Variants in IGFL4 observed in about 807,000 individuals in gnomAD.
IGFL4 encodes IGF like family member 4, also known as insulin growth factor-like family member 4.
In IGFL4, 12 loss-of-function variants were observed where a neutral mutation model predicts 15.4. The ratio of observed to expected loss-of-function variants is 0.78; its 90% confidence interval spans 0.50 to 1.26. The LOEUF (loss-of-function observed/expected upper bound fraction) is 1.26. IGFL4 is among the 50% of genes most tolerant of loss of function. The probability of loss-of-function intolerance (pLI) is 0.00; values close to 1 mark genes in which losing one functional copy is unlikely to be tolerated. For missense variants in IGFL4, 126 were observed against 147.8 expected, an observed-to-expected ratio of 0.85 and a Z score of 0.76; for synonymous variants, 54 against 55.9, an observed-to-expected ratio of 0.97 and a Z score of 0.16.
chr19:46,041,544 C>T (rs965079324), upstream of IGFL4, among the ~76,000 whole-genome samples: 5 of 150,784 alleles, frequency 3.3e-5, no homozygotes, highest in African/African-American at 7.3e-5. Flanking sequence ...CAAAAATAGG[C>T]GGTGGTAGGA....
chr19:46,065,471 G>A (rs369903300), intron 1 of IGFL4, among the ~76,000 whole-genome samples: 2 of 152,222 alleles, frequency 1.3e-5, no homozygotes, highest in African/African-American at 2.4e-5. Context: ...ACCATGCCCA[G>A]CTAATTTTTG....
At chr19:46,049,246 C>A (rs1250215939) in intron 2 of IGFL4, among the ~76,000 whole-genome samples, 1 of 152,216 alleles carries the variant, frequency 6.6e-6, no homozygotes, top group Non-Finnish European at 1.5e-5. Flanking sequence ...CAGGAACATA[C>A]CAGGAAAGCT....
chr19:46,051,096 A>G (rs1333378025), intron 2 of IGFL4, among the ~76,000 whole-genome samples: 1 of 152,242 alleles, frequency 6.6e-6, no homozygotes, highest in Non-Finnish European at 1.5e-5. Flanking sequence ...GGAAAGATAC[A>G]GTCTTTTTCA....
At chr19:46,047,540 A>C (rs1600670548) in intron 2 of IGFL4, among the ~76,000 whole-genome samples, 1 of 152,336 alleles carries the variant, frequency 6.6e-6, no homozygotes, top group East Asian at 1.9e-4. Context: ...CTAATGAAGA[A>C]GAAAAGAGAG....
intron 1 of IGFL4, among the ~76,000 whole-genome samples, chr19:46,076,311 C>T (rs1475905447): frequency 6.6e-6 from 1 of 152,168 alleles, no homozygotes; most frequent in African/African-American, 2.4e-5. Flanking sequence ...CCAATACCAC[C>T]GAATTCATTT....
intron 1 of IGFL4, among the ~76,000 whole-genome samples, chr19:46,070,927 C>A (rs1449132625): frequency 6.6e-6 from 1 of 152,088 alleles, no homozygotes; most frequent in East Asian, 1.9e-4. Context: ...CAAATTGAAT[C>A]GCCTAATCAC....
chr19:46,070,940 G>C (rs1405313148), intron 1 of IGFL4, among the ~76,000 whole-genome samples: 1 of 152,060 alleles, frequency 6.6e-6, no homozygotes, highest in South Asian at 2.1e-4. Flanking sequence ...CTAATCACCA[G>C]GTGACCCCAG....
upstream of IGFL4, among the ~76,000 whole-genome samples, chr19:46,042,462 G>A (rs1223032583): frequency 1.3e-5 from 2 of 152,182 alleles, no homozygotes; most frequent in African/African-American, 4.8e-5. Context: ...AGGGAAAGCT[G>A]CAATGAAGAG....
At chr19:46,045,591 A>G (rs1164753349), upstream of IGFL4, among the ~76,000 whole-genome samples, 1 of 152,138 alleles carries the variant, frequency 6.6e-6, no homozygotes, top group African/African-American at 2.4e-5. Context: ...AACTGACCCA[A>G]TGGAACTGGA....
At chr19:46,077,190 C>T (rs139982971), upstream of IGFL4, 2,029 of 152,134 alleles carry the variant, frequency 0.013, 32 homozygotes, top group Middle Eastern at 0.027. This position sits in a 1 kb window ranked among gnomAD's most constrained non-coding sequence, Gnocchi z 5.4. Context: ...ACCCGGGTGC[C>T]GGTGTTTCTA....
intron 1 of IGFL4, among the ~76,000 whole-genome samples, chr19:46,073,710 C>T (rs970689441): frequency 6.6e-6 from 1 of 152,156 alleles, no homozygotes; most frequent in Non-Finnish European, 1.5e-5. Context: ...GGATCATTCT[C>T]GAGAACTTGG....
At chr19:46,057,254 T>C (rs1940201180) in intron 2 of IGFL4, among the ~76,000 whole-genome samples, 2 of 152,124 alleles carry the variant, frequency 1.3e-5, no homozygotes, top group South Asian at 4.1e-4. Context: ...TAGTGGACTC[T>C]TAAGCTTAGG....
chr19:46,074,519 G>A (rs1969577130), intron 1 of IGFL4, among the ~76,000 whole-genome samples: 1 of 152,098 alleles, frequency 6.6e-6, no homozygotes, highest in African/African-American at 2.4e-5. Flanking sequence ...TTTGCAAGCT[G>A]AGGAGCAAGG....
intron 2 of IGFL4, among the ~76,000 whole-genome samples, chr19:46,056,196 G>A (rs758521985): frequency 2.0e-5 from 3 of 152,224 alleles, no homozygotes; most frequent in Non-Finnish European, 4.4e-5. Context: ...AACTAAGGCT[G>A]TGCTACACCA....
At position 46,074,274 on chromosome 19, in the gene IGFL4, G is replaced by GATATATATATACAT. The variant is rs1555816176; in HGVS notation, c.-432+2732_-432+2745dup. 3.7e-3 allele frequency among the ~76,000 whole-genome samples: 563 copies of GATATATATATACAT among 150,260 alleles called. 11 individuals are homozygous for GATATATATATACAT. Among genetic ancestry groups the GATATATATATACAT allele is most frequent in the Admixed American group, 0.028 (420 of 15,042 alleles). ...GTCTAGAGGGACAGAACGAGCAGGA[G>GATATATATATACAT]ATATATATATACATATATATATATA... On this transcript the variant is annotated intron_variant, in intron 1 of 5. Coordinates refer to the IGFL4 transcript ENST00000601672.
chr19:46,075,014 T>G (rs1969581873), intron 1 of IGFL4, among the ~76,000 whole-genome samples: 1 of 152,196 alleles, frequency 6.6e-6, no homozygotes, highest in Non-Finnish European at 1.5e-5. Flanking sequence ...ATTCCACCTT[T>G]CAATGGGAAG....
chr19:46,040,689 T>C lies in IGFL4; in HGVS notation c.20-121A>G. ...AACAGCTCAGAGTGGATTTTGGGAC[T>C]GGCTGTGGGTGCAGGTCCTGGGGAC... is the stretch of plus-strand genomic sequence containing the variant. On this transcript the variant is annotated intron_variant, in intron 1 of 3. Coordinates refer to ENST00000377697, the MANE Select transcript of IGFL4 (RefSeq NM_001002923.3). The surrounding 1 kb of genome is among the most constrained non-coding windows in gnomAD (Gnocchi z 4.1). The C allele has an allele frequency of 8.5e-7, 1 of 1,174,894 alleles. No individual in the cohort carries two copies. Among genetic ancestry groups the C allele is most frequent in the South Asian group, 1.3e-5 (1 of 77,140 alleles). 72.8% of individuals were successfully genotyped at this position (1,174,894 alleles called of 1,614,324 possible). A position where few individuals can be genotyped will look rare whatever the true frequency, so the allele number is the denominator to read the frequency against.
At position 46,040,946 on chromosome 19, in the gene IGFL4, G is replaced by A; in HGVS notation, c.17C>T (p.Ser6Phe). 1 of 1,590,622 alleles carries A rather than the reference G, an allele frequency of 6.3e-7. No individual in the cohort carries two copies. The highest frequency in any genetic ancestry group is 8.5e-7 in the Non-Finnish European group (1 of 1,170,328). The change falls in exon 1 of 4, where the codon TCT becomes TTT. Residue 6 changes from serine to phenylalanine, a missense_variant and splice_region_variant. Coordinates refer to ENST00000377697, the MANE Select transcript of IGFL4 (RefSeq NM_001002923.3). The surrounding 1 kb of genome is among the most constrained non-coding windows in gnomAD (Gnocchi z 4.1). ...GCCTAGGGCTGGGGTCTCCTTACCAGAAATTCTGGGCACCATGGGTTAGGC... is the reference window on the plus strand; with the variant it reads ...GCCTAGGGCTGGGGTCTCCTTACCAAAAATTCTGGGCACCATGGGTTAGGC... MVPRI[S>F]AAIFIFELLG...
At chr19:46,051,608 A>G (rs1184073297) in intron 2 of IGFL4, among the ~76,000 whole-genome samples, 5 of 152,168 alleles carry the variant, frequency 3.3e-5, no homozygotes, top group African/African-American at 1.2e-4. Context: ...TGTAGTATTG[A>G]GATGTGAGAA....
Sources: gnomAD v4.1 joint callset for allele counts (sites outside exome capture counted in the v4.1 genomes callset) on GRCh38, gnomAD v4.1.1 for gene constraint, Gnocchi (gnomAD v3.1) non-coding constraint, MANE v1.5 for transcripts, NCBI Gene and HGNC (gene_info 2026-07-23, HGNC 2026-07-21) for gene names.